ZNF385B: variants seen among roughly 807,000 people sequenced by gnomAD.
The protein encoded by ZNF385B is zinc finger protein 385B, also known as zinc finger protein 533.
ZNF385B carries 23 observed loss-of-function variants against 39.2 expected under a neutral mutation model. That is an observed-to-expected ratio of 0.59 (90% CI 0.42 to 0.83). The LOEUF (loss-of-function observed/expected upper bound fraction) is 0.83, where lower values mean the gene tolerates loss of function less well. Ranked by LOEUF, ZNF385B falls within the 40% of genes least tolerant of loss-of-function variation. The pLI, the probability that ZNF385B is intolerant of heterozygous loss-of-function variation, is 0.00. For missense variants in ZNF385B, 552 were observed against 598.9 expected, an observed-to-expected ratio of 0.92 and a Z score of 0.82; for synonymous variants, 205 against 222.6, an observed-to-expected ratio of 0.92 and a Z score of 0.70.
rs1326995160 is a variant in ZNF385B, at chr2:179,607,203, G to A, written c.299-62234C>T. 2.6e-5 allele frequency among the ~76,000 whole-genome samples: 4 copies of A among 152,150 alleles called. No homozygotes were observed. The East Asian group carries it at 7.7e-4, about 29-fold the overall frequency. ...AAATGCACCACATGTATCAATAAATGTGGGGAAGCAGGGTGAGTGATATGG... is the reference window on the plus strand; with the variant it reads ...AAATGCACCACATGTATCAATAAATATGGGGAAGCAGGGTGAGTGATATGG... On this transcript the variant is annotated intron_variant, in intron 3 of 9. Coordinates refer to ENST00000410066, the MANE Select transcript of ZNF385B (RefSeq NM_152520.6).
At chr2:179,642,610 T>A (rs1410915853) in intron 3 of ZNF385B, among the ~76,000 whole-genome samples, 1 of 152,146 alleles carries the variant, frequency 6.6e-6, no homozygotes, top group Non-Finnish European at 1.5e-5. Context: ...AGAAAACCAT[T>A]TTCATAATAA....
At chr2:179,742,867 T>C (rs1702161541) in intron 3 of ZNF385B, among the ~76,000 whole-genome samples, 1 of 152,026 alleles carries the variant, frequency 6.6e-6, no homozygotes, top group South Asian at 2.1e-4. Flanking sequence ...TGAAGAATAA[T>C]TCAAGATGCT....
chr2:179,738,611 C>T (rs1453062385), intron 3 of ZNF385B, among the ~76,000 whole-genome samples: 1 of 152,108 alleles, frequency 6.6e-6, no homozygotes, highest in Non-Finnish European at 1.5e-5. Flanking sequence ...GGAGTTGGGC[C>T]ACTTTTCTAG....
chr2:179,795,976 T>C (rs933487820), intron 1 of ZNF385B, among the ~76,000 whole-genome samples: 1 of 152,202 alleles, frequency 6.6e-6, no homozygotes, highest in African/African-American at 2.4e-5. Flanking sequence ...GCCAATTTAT[T>C]TCCCTCTTTT....
At chr2:179,757,628 C>A (rs971994382) in intron 3 of ZNF385B, among the ~76,000 whole-genome samples, 2 of 152,196 alleles carry the variant, frequency 1.3e-5, no homozygotes, top group African/African-American at 2.4e-5. Context: ...AGCTTCCTGG[C>A]CACTTTGTTT....
chr2:179,481,970 C>T (rs998757540), intron 6 of ZNF385B, among the ~76,000 whole-genome samples: 2 of 152,170 alleles, frequency 1.3e-5, no homozygotes, highest in African/African-American at 4.8e-5. Context: ...TTGTTCTTTA[C>T]AGAGGGAGAC....
chr2:179,663,659 G>C (rs889460998), intron 3 of ZNF385B, among the ~76,000 whole-genome samples: 1 of 130,022 alleles, frequency 7.7e-6, no homozygotes, highest in Non-Finnish European at 1.7e-5. Context: ...GCAGTGAGCC[G>C]AGATCGCGCC....
chr2:179,577,932 CAGTA>C (rs1463583091), intron 3 of ZNF385B, among the ~76,000 whole-genome samples: 1 of 152,046 alleles, frequency 6.6e-6, no homozygotes, highest in African/African-American at 2.4e-5. Context: ...ATTAAGCAAT[CAGTA>C]AGTATCTAAA....
chr2:179,835,609 G>C (rs1708207280), intron 1 of ZNF385B, among the ~76,000 whole-genome samples: 2 of 152,082 alleles, frequency 1.3e-5, no homozygotes, highest in Non-Finnish European at 2.9e-5. Context: ...GCCCCTGTCA[G>C]TTCTCAATTC....
rs2060777483 is a variant in ZNF385B at position 179,554,423 on chromosome 2, T to A, written c.299-9454A>T. Among the ~76,000 whole-genome samples the A allele has an allele frequency of 2.0e-5, 3 of 149,176 alleles. No homozygotes were observed. The South Asian group carries it at 6.5e-4, about 32-fold the overall frequency. ...GGAAGAATGGTGGAGCGGAACTGTA[T>A]AAACAAAAAGTATAGAGAAAACAGA... is the stretch of plus-strand genomic sequence containing the variant. On this transcript the variant is annotated intron_variant, in intron 3 of 9. Transcript: ENST00000410066.
At chr2:179,788,952 A>G (rs1296505005) in intron 1 of ZNF385B, among the ~76,000 whole-genome samples, 2 of 152,042 alleles carry the variant, frequency 1.3e-5, no homozygotes, top group Non-Finnish European at 2.9e-5. Context: ...TTGAACTTTT[A>G]ATTTATTGTC....
At chr2:179,626,032 A>G (rs1690634265) in intron 3 of ZNF385B, among the ~76,000 whole-genome samples, 1 of 152,098 alleles carries the variant, frequency 6.6e-6, no homozygotes, top group East Asian at 1.9e-4. Context: ...TATTTTCAGT[A>G]ACTTTTCTTA....
At chr2:179,507,749 A>G (rs1052608238) in intron 5 of ZNF385B, among the ~76,000 whole-genome samples, 2 of 152,164 alleles carry the variant, frequency 1.3e-5, no homozygotes, top group African/African-American at 4.8e-5. Context: ...CTCTCCTTAA[A>G]TAACTCATGT....
intron 3 of ZNF385B, among the ~76,000 whole-genome samples, chr2:179,675,522 A>C (rs1282570621): frequency 8.5e-5 from 13 of 152,196 alleles, no homozygotes; most frequent in African/African-American, 3.1e-4. Flanking sequence ...TGTCAATCTG[A>C]TTTGTTCCTA....
At chr2:179,833,733 G>C (rs1329277399) in intron 1 of ZNF385B, among the ~76,000 whole-genome samples, 1 of 151,964 alleles carries the variant, frequency 6.6e-6, no homozygotes, top group Admixed American at 6.6e-5. Flanking sequence ...ATTTAAATAA[G>C]AAAGGATGGG....
At chr2:179,854,578 A>G (rs1243486444) in intron 1 of ZNF385B, among the ~76,000 whole-genome samples, 1 of 152,154 alleles carries the variant, frequency 6.6e-6, no homozygotes, top group Non-Finnish European at 1.5e-5. Context: ...TGAAATCAGT[A>G]TAAACCAACC....
chr2:179,768,148 C>T (rs139208336), intron 3 of ZNF385B, among the ~76,000 whole-genome samples: 37 of 151,732 alleles, frequency 2.4e-4, no homozygotes, highest in African/African-American at 8.7e-4. Flanking sequence ...CAGGGTTTCA[C>T]CATGTTGCCC....
At chr2:179,693,427 G>T (rs1698500796) in intron 3 of ZNF385B, among the ~76,000 whole-genome samples, 1 of 152,250 alleles carries the variant, frequency 6.6e-6, no homozygotes, top group East Asian at 1.9e-4. Flanking sequence ...TATGAATTAT[G>T]ATCTTCTATT....
At chr2:179,592,473 G>A (rs1687648592) in intron 3 of ZNF385B, among the ~76,000 whole-genome samples, 1 of 152,230 alleles carries the variant, frequency 6.6e-6, no homozygotes, top group African/African-American at 2.4e-5. Flanking sequence ...CTAAAAAACT[G>A]AGAATGAAAG....
Sources: gnomAD v4.1 joint callset for allele counts (sites outside exome capture counted in the v4.1 genomes callset) on GRCh38, gnomAD v4.1.1 for gene constraint, MANE v1.5 for transcripts, NCBI Gene and HGNC (gene_info 2026-07-23, HGNC 2026-07-21) for gene names.